The following KCNQ1 variants were observed in gnomAD, a reference collection of about 807,000 sequenced individuals.
The protein encoded by KCNQ1 is potassium voltage-gated channel subfamily KQT member 1.
Under a neutral mutation model 72.4 loss-of-function variants are expected in KCNQ1, and 49 were observed. The observed-to-expected ratio is 0.68, with a 90% CI of 0.54 to 0.86. The LOEUF is 0.86. KCNQ1 is among the 40% of genes least tolerant of loss of function. The pLI is 0.00. For synonymous variants in KCNQ1, 450 were observed against 412.6 expected, an observed-to-expected ratio of 1.09 and a Z score of -1.10; for missense variants, 790 against 945.1, an observed-to-expected ratio of 0.84 and a Z score of 2.15.
intron 1 of KCNQ1, among the ~76,000 whole-genome samples, chr11:2,490,378 C>T (rs1846815675): frequency 6.6e-6 from 1 of 152,252 alleles, no homozygotes; most frequent in Non-Finnish European, 1.5e-5. Context: ...GGACAAAAGC[C>T]TGGCTGGCTT....
At chr11:2,582,987 C>T (rs1432769436) in intron 6 of KCNQ1, among the ~76,000 whole-genome samples, 4 of 152,126 alleles carry the variant, frequency 2.6e-5, no homozygotes, top group Non-Finnish European at 4.4e-5. Flanking sequence ...CCTGGAGTGG[C>T]GTCAGGAAGC....
rs1851030667 is a variant in KCNQ1, at chr11:2,712,999, C to A, written c.1514+50918C>A. 1.3e-5 allele frequency among the ~76,000 whole-genome samples: 2 copies of A among 152,124 alleles called. No individual in the cohort carries two copies. The highest frequency in any genetic ancestry group is 4.1e-4 in the South Asian group (2 of 4,832). ...CCTGGTAAGTATGAGGAACCAGAGA[C>A]CTGGTAAGTATGAGGAACCACCCCT... On this transcript the variant is annotated intron_variant, in intron 11 of 15. Transcript: ENST00000155840. The surrounding 1 kb of genome is among the most constrained non-coding windows in gnomAD (Gnocchi z 6.4).
chr11:2,838,056 A>G (rs1272915679), intron 15 of KCNQ1, among the ~76,000 whole-genome samples: 1 of 152,248 alleles, frequency 6.6e-6, no homozygotes, highest in African/African-American at 2.4e-5. Context: ...TGAGGAAGCC[A>G]GCCCAGAAAC....
At chr11:2,790,848 T>G (rs1847007798) in intron 15 of KCNQ1, among the ~76,000 whole-genome samples, 1 of 152,200 alleles carries the variant, frequency 6.6e-6, no homozygotes, top group African/African-American at 2.4e-5. Context: ...CAAGTTCAAG[T>G]TCCGCCTCAA....
chr11:2,613,301 C>G lies in KCNQ1; in HGVS notation c.1393+24447C>G, dbSNP rs1463566864. The G allele has an allele frequency of 1.0e-5, 4 of 398,472 alleles. No individual in the cohort carries two copies. Among genetic ancestry groups the G allele is most frequent in the Non-Finnish European group, 1.3e-5 (3 of 226,062 alleles). 24.7% of individuals were successfully genotyped at this position (398,472 alleles called of 1,614,324 possible). A position where few individuals can be genotyped will look rare whatever the true frequency, so the allele number is the denominator to read the frequency against. The stretch of plus-strand genomic sequence containing the variant: ...CTGCAAGCATGTACAACTTCCATAT[C>G]TCCAGAATTCCTTTTAAAATTTTTC... On this transcript the variant is annotated intron_variant, in intron 10 of 15. Coordinates refer to ENST00000155840, the MANE Select transcript of KCNQ1 (RefSeq NM_000218.3). This position sits in a 1 kb window ranked among gnomAD's most constrained non-coding sequence, Gnocchi z 4.8.
rs925225890 is a variant in KCNQ1 at position 2,674,152 on chromosome 11, G to A, written c.1514+12071G>A. ...GGGCCACCCAGTGTGGGCTCAGGAA[G>A]GGAAGGAATGTGACCAAGGCTGGGT... On this transcript the variant is annotated intron_variant, in intron 11 of 15. Coordinates refer to ENST00000155840, the MANE Select transcript of KCNQ1 (RefSeq NM_000218.3). The surrounding 1 kb of genome is among the most constrained non-coding windows in gnomAD (Gnocchi z 5.9). 1 of 398,612 alleles carries A rather than the reference G, an allele frequency of 2.5e-6. No homozygotes were observed. The highest frequency in any genetic ancestry group is 2.1e-5 in the African/African-American group (1 of 48,632). The allele number at this position is 398,612 out of a possible 1,614,324, so 24.7% of individuals were successfully genotyped here. A position where few individuals can be genotyped will look rare whatever the true frequency, so the allele number is the denominator to read the frequency against.
chr11:2,558,550 G>T (rs930879623), intron 2 of KCNQ1, among the ~76,000 whole-genome samples: 2 of 152,206 alleles, frequency 1.3e-5, no homozygotes, highest in African/African-American at 2.4e-5. Flanking sequence ...CCCCAGGCAG[G>T]TGTCAGGTGG....
chr11:2,675,080 G>A, intron 11 of KCNQ1: 1 of 398,686 alleles, frequency 2.5e-6, no homozygotes, highest in Admixed American at 4.4e-5. Context: ...AGAGGCTAGT[G>A]TGGGCATGTC....
chr11:2,704,641 G>T lies in KCNQ1; in HGVS notation c.1514+42560G>T, dbSNP rs754746258. Among the ~76,000 whole-genome samples the T allele has an allele frequency of 7.9e-5, 12 of 152,232 alleles. No individual in the cohort carries two copies. The highest frequency in any genetic ancestry group is 1.5e-4 in the Non-Finnish European group (10 of 68,036). On this transcript the variant is annotated intron_variant, in intron 11 of 15. Transcript: ENST00000155840. The surrounding 1 kb of genome is among the most constrained non-coding windows in gnomAD (Gnocchi z 4.3). ...GAACTGAAGAGAGGCAGCAGGGTGA[G>T]GGGGAAGACTACGGGGGACTTGCCG...
Position 2,826,682 on chromosome 11 carries a change from C to A in KCNQ1, c.1795-21085C>A. ...CCCAGAGGGAGAACAGAGAGGGGTG[C>A]AGAGGGCCAGAGAGGCACGGGGCTC... On this transcript the variant is annotated intron_variant, in intron 15 of 15. Coordinates refer to ENST00000155840, the MANE Select transcript of KCNQ1 (RefSeq NM_000218.3). The surrounding 1 kb of genome is among the most constrained non-coding windows in gnomAD (Gnocchi z 4.2). Among the ~76,000 whole-genome samples, 1 of 152,346 alleles carries A rather than the reference C, an allele frequency of 6.6e-6. No homozygotes were observed. The highest frequency in any genetic ancestry group is 6.5e-5 in the Admixed American group (1 of 15,312).
intron 1 of KCNQ1, among the ~76,000 whole-genome samples, chr11:2,519,469 A>C (rs1847342916): frequency 1.3e-5 from 2 of 152,236 alleles, no homozygotes; most frequent in Non-Finnish European, 2.9e-5. Flanking sequence ...AAATTAAGAC[A>C]TGAGGCCGGG....
Position 2,682,322 on chromosome 11 carries a change from C to T in KCNQ1, c.1514+20241C>T, listed in dbSNP as rs1213570945. 2.5e-6 allele frequency: 1 copy of T among 398,448 alleles called. No individual in the cohort carries two copies. Among genetic ancestry groups the T allele is most frequent in the East Asian group, 3.6e-5 (1 of 28,084 alleles). 24.7% of individuals were successfully genotyped at this position (398,448 alleles called of 1,614,324 possible). A position where few individuals can be genotyped will look rare whatever the true frequency, so the allele number is the denominator to read the frequency against. On this transcript the variant is annotated intron_variant, in intron 11 of 15. Transcript: ENST00000155840. The surrounding 1 kb of genome is among the most constrained non-coding windows in gnomAD (Gnocchi z 5.8). ...CTCCCCTCCCATTCTTAATGTGTAACTGTGTGTTTATTTGTGGTAAAGGGT... is the reference window on the plus strand; with the variant it reads ...CTCCCCTCCCATTCTTAATGTGTAATTGTGTGTTTATTTGTGGTAAAGGGT...
rs1564846494 is a variant in KCNQ1, at chr11:2,654,447, T to G, written c.1394-7514T>G. 4.8e-5 allele frequency: 19 copies of G among 398,432 alleles called. No individual in the cohort carries two copies. 24.7% of individuals were successfully genotyped at this position (398,432 alleles called of 1,614,324 possible). A position where few individuals can be genotyped will look rare whatever the true frequency, so the allele number is the denominator to read the frequency against. Reference sequence around the variant, plus strand: ...GGTGAGGCAGAAGGCAAGGTTCCCGTGCTGAGCGCCAGGCACACATAAGCC... The same window carrying G: ...GGTGAGGCAGAAGGCAAGGTTCCCGGGCTGAGCGCCAGGCACACATAAGCC... On this transcript the variant is annotated intron_variant, in intron 10 of 15. Transcript: ENST00000155840. This position sits in a 1 kb window ranked among gnomAD's most constrained non-coding sequence, Gnocchi z 6.4.
rs781143057 is a variant in KCNQ1, at chr11:2,547,649, A to G, written c.477+19631A>G. On this transcript the variant is annotated intron_variant, in intron 2 of 15. Coordinates refer to ENST00000155840, the MANE Select transcript of KCNQ1 (RefSeq NM_000218.3). The surrounding 1 kb of genome is among the most constrained non-coding windows in gnomAD (Gnocchi z 4.2). ...TTACCGTTTTTATTAATCTGCCTTA[A>G]CTTCTACTTAGTGCCTATACCACAA... is the stretch of plus-strand genomic sequence containing the variant. 5.9e-5 allele frequency among the ~76,000 whole-genome samples: 9 copies of G among 152,170 alleles called. No individual in the cohort carries two copies. Among genetic ancestry groups the G allele is most frequent in the Admixed American group, 2.0e-4 (3 of 15,262 alleles).
chr11:2,632,406 T>C (rs1361122252), intron 10 of KCNQ1: 2 of 398,358 alleles, frequency 5.0e-6, no homozygotes, highest in Non-Finnish European at 8.8e-6. Context: ...CTATGTTTAA[T>C]ATAATGGCTA....
intron 10 of KCNQ1, among the ~76,000 whole-genome samples, chr11:2,605,075 A>G (rs7947972): frequency 0.32 from 48,429 of 152,084 alleles, 10,289 homozygotes; most frequent in African/African-American, 0.6. Context: ...TGTGTTTATT[A>G]ACTATATGTC....
chr11:2,652,538 G>T lies in KCNQ1; in HGVS notation c.1394-9423G>T. The T allele has an allele frequency of 2.5e-6, 1 of 398,598 alleles. No individual in the cohort carries two copies. Among genetic ancestry groups the T allele is most frequent in the Non-Finnish European group, 4.4e-6 (1 of 226,064 alleles). The allele number at this position is 398,598 out of a possible 1,614,324, so 24.7% of individuals were successfully genotyped here. Reference sequence around the variant, plus strand: ...GTGAGCTCAACTCTTGGAGAAGATAGTGCTTAACCCAGATTCCATTGTATA... The same window carrying T: ...GTGAGCTCAACTCTTGGAGAAGATATTGCTTAACCCAGATTCCATTGTATA... On this transcript the variant is annotated intron_variant, in intron 10 of 15. Coordinates refer to ENST00000155840, the MANE Select transcript of KCNQ1 (RefSeq NM_000218.3). The surrounding 1 kb of genome is among the most constrained non-coding windows in gnomAD (Gnocchi z 5.9).
intron 1 of KCNQ1, among the ~76,000 whole-genome samples, chr11:2,510,274 G>C (rs558781741): frequency 8.7e-5 from 13 of 149,550 alleles, no homozygotes; most frequent in African/African-American, 3.3e-4. Context: ...ACGAGACCCT[G>C]TGTCTAAAAA....
At position 2,544,242 on chromosome 11, in the gene KCNQ1, G is replaced by A. The variant is rs1413979651; in HGVS notation, c.477+16224G>A. ...ATCTATCTCATATATATATATGTGT[G>A]TGTGTGTATATATATATGTGTGTGT... On this transcript the variant is annotated intron_variant, in intron 2 of 15. Transcript: ENST00000155840. This position sits in a 1 kb window ranked among gnomAD's most constrained non-coding sequence, Gnocchi z 4.4. 6.9e-6 allele frequency among the ~76,000 whole-genome samples: 1 copy of A among 145,906 alleles called. No individual in the cohort carries two copies. The highest frequency in any genetic ancestry group is 2.6e-5 in the African/African-American group (1 of 37,886).
Sources: gnomAD v4.1 joint callset for allele counts (sites outside exome capture counted in the v4.1 genomes callset) on GRCh38, gnomAD v4.1.1 for gene constraint, Gnocchi (gnomAD v3.1) non-coding constraint, MANE v1.5 for transcripts, NCBI Gene and HGNC (gene_info 2026-07-23, HGNC 2026-07-21) for gene names.